The following EZH2 variants were observed in gnomAD, a reference collection of about 807,000 sequenced individuals.
The protein encoded by EZH2 is enhancer of zeste 2 polycomb repressive complex 2 subunit, also known as histone-lysine N-methyltransferase EZH2.
Under a neutral mutation model 98.4 loss-of-function variants are expected in EZH2, and 18 were observed. The ratio of observed to expected loss-of-function variants is 0.18; its 90% CI spans 0.13 to 0.27. The LOEUF is 0.27. EZH2 is among the 10% of genes least tolerant of loss of function. EZH2 has a pLI of 1.00. For missense variants in EZH2, 470 were observed against 935.1 expected (o/e 0.50, Z 6.49); for synonymous variants, 338 against 312.3 (o/e 1.08, Z -0.87).
chr7:148,810,299 C>T, intron 17 of EZH2, 34 bp downstream of exon 17: 1 of 1,533,198 alleles, frequency 6.5e-7, no homozygotes, highest in Non-Finnish European at 9.0e-7. Flanking sequence ...ACATGCAACT[C>T]AGGAACTCAC....
intron 13 of EZH2, 31 bp downstream of exon 13, chr7:148,815,475 C>G: frequency 6.2e-7 from 1 of 1,601,072 alleles, no homozygotes; most frequent in Non-Finnish European, 8.6e-7. Flanking sequence ...TATTGTTAAG[C>G]TAATAATGAG....
rs768472773 is a variant in EZH2 at position 148,832,612 on chromosome 7, A to G, written c.363+22T>C. ...TCAAATAAGTTATTATCAAATAAGCAGAAGATATCTTATTTACATACCATA... is the reference window on the plus strand; with the variant it reads ...TCAAATAAGTTATTATCAAATAAGCGGAAGATATCTTATTTACATACCATA... On this transcript the variant is annotated intron_variant, in intron 4 of 19. Coordinates refer to ENST00000320356, the MANE Select transcript of EZH2 (RefSeq NM_004456.5). 11 of 1,198,186 alleles carry G rather than the reference A, an allele frequency of 9.2e-6. No homozygotes were observed. In the East Asian group the frequency reaches 2.3e-4, roughly 26 times the overall value. 74.2% of individuals were successfully genotyped at this position (1,198,186 alleles called of 1,614,324 possible). A position where few individuals can be genotyped will look rare whatever the true frequency, so the allele number is the denominator to read the frequency against.
In EZH2 at chr7:148,817,955, C is replaced by G; in HGVS notation, c.1162G>C (p.Glu388Gln). The change falls in exon 10 of 20, where the codon GAA (glutamate) becomes CAA (glutamine). Residue 388 changes from glutamate to glutamine, a missense_variant. Physicochemically the swap from Glu to Gln is conservative, Grantham distance 29. Around this residue, in one of 6 missense-constraint regions of EZH2, gnomAD observed 192 missense variants for 306.8 expected, o/e 0.63. Coordinates refer to ENST00000320356, the MANE Select transcript of EZH2 (RefSeq NM_004456.5). ...TCTCCCCCCGTTTCAGTCCCTGCTT[C>G]CCTATCACTGTCTGTATCCTTTGAT... The part of the protein sequence containing the change: ...LESKDTDSDR[E>Q]AGTETGGENN... 6.2e-7 allele frequency: 1 copy of G among 1,614,166 alleles called. No individual in the cohort carries two copies. Among genetic ancestry groups the G allele is most frequent in the Non-Finnish European group, 8.5e-7 (1 of 1,180,008 alleles).
At chr7:148,819,777 G>A (rs984038070) in intron 8 of EZH2, 90 bp from the exon 9 acceptor site, 2 of 1,129,664 alleles carry the variant, frequency 1.8e-6, no homozygotes, top group Admixed American at 2.0e-5. Context: ...TCAATTAATG[G>A]ATTATAATCT....
intron 1 of EZH2, chr7:148,883,438 G>C (rs1019806803): frequency 3.9e-5 from 6 of 152,386 alleles, no homozygotes; most frequent in African/African-American, 1.4e-4. Flanking sequence ...GGAGCTCAGG[G>C]GGATTTCGGG....
intron 3 of EZH2, among the ~76,000 whole-genome samples, chr7:148,835,633 A>C (rs1810707099): frequency 6.6e-6 from 1 of 151,878 alleles, no homozygotes; most frequent in Non-Finnish European, 1.5e-5. Flanking sequence ...AGTACAAAAC[A>C]ATTTTCATTT....
intron 1 of EZH2, among the ~76,000 whole-genome samples, chr7:148,853,418 A>G (rs75832514): frequency 6.8e-6 from 1 of 147,396 alleles, no homozygotes. Context: ...CTCCGTCTCC[A>G]AAAAAAAAAG....
At chr7:148,879,912 G>A (rs770867063) in intron 1 of EZH2, among the ~76,000 whole-genome samples, 15 of 151,938 alleles carry the variant, frequency 9.9e-5, no homozygotes, top group Non-Finnish European at 1.8e-4. Flanking sequence ...TGAGATCAAC[G>A]TGGGCAACAA....
intron 3 of EZH2, among the ~76,000 whole-genome samples, chr7:148,842,014 G>A (rs1812579232): frequency 6.6e-6 from 1 of 152,066 alleles, no homozygotes; most frequent in Non-Finnish European, 1.5e-5. Flanking sequence ...TTCTTCATAC[G>A]AGGACCGTGA....
At chr7:148,866,586 A>G (rs1365934592) in intron 1 of EZH2, among the ~76,000 whole-genome samples, 1 of 146,640 alleles carries the variant, frequency 6.8e-6, no homozygotes, top group Non-Finnish European at 1.5e-5. Flanking sequence ...ATATACATAT[A>G]TTGTATACAC....
At position 148,858,564 on chromosome 7, in the gene EZH2, G is replaced by A. The variant is rs181538816; in HGVS notation, c.-7-11259C>T. Among the ~76,000 whole-genome samples the A allele has an allele frequency of 3.7e-4, 56 of 152,168 alleles. No homozygotes were observed. In the East Asian group the frequency reaches 8.9e-3, roughly 24 times the overall value. On this transcript the variant is annotated intron_variant, in intron 1 of 19. Coordinates refer to ENST00000320356, the MANE Select transcript of EZH2 (RefSeq NM_004456.5). ...GGAAGGGACAAGGTCTCACTCTGTC[G>A]TCCAGGCTGGAGTGCAGTGATGCAA... is the stretch of plus-strand genomic sequence containing the variant.
intron 8 of EZH2, among the ~76,000 whole-genome samples, chr7:148,822,628 C>G (rs932083119): frequency 2.0e-5 from 3 of 151,640 alleles, no homozygotes; most frequent in Non-Finnish European, 4.4e-5. Context: ...CCTAAGACAT[C>G]AAAAAGATCT....
intron 1 of EZH2, among the ~76,000 whole-genome samples, chr7:148,853,218 T>G (rs577285938): frequency 2.0e-5 from 3 of 151,988 alleles, no homozygotes; most frequent in Non-Finnish European, 4.4e-5. Flanking sequence ...TCGAGACCAG[T>G]CTGGCCAACA....
At chr7:148,829,181 T>C (rs1274709716) in intron 5 of EZH2, among the ~76,000 whole-genome samples, 1 of 152,170 alleles carries the variant, frequency 6.6e-6, no homozygotes, top group East Asian at 1.9e-4. Flanking sequence ...AATGGATCTG[T>C]CCTTTAACTG....
At chr7:148,837,467 G>A (rs533801823) in intron 3 of EZH2, among the ~76,000 whole-genome samples, 6 of 152,172 alleles carry the variant, frequency 3.9e-5, no homozygotes, top group African/African-American at 7.2e-5. Context: ...ATATTCTGCA[G>A]GACTTGAGGA....
intron 1 of EZH2, among the ~76,000 whole-genome samples, chr7:148,867,219 G>A (rs1335908739): frequency 3.3e-5 from 5 of 151,890 alleles, no homozygotes; most frequent in South Asian, 2.1e-4. Flanking sequence ...CCAGCTACTC[G>A]GGAGGCTGAG....
chr7:148,877,701 ATAC>A (rs1469674086), intron 1 of EZH2, among the ~76,000 whole-genome samples: 1 of 152,184 alleles, frequency 6.6e-6, no homozygotes, highest in African/African-American at 2.4e-5. Context: ...TCTCAAATGC[ATAC>A]TATTACCACT....
At chr7:148,875,201 A>G (rs1019625275) in intron 1 of EZH2, among the ~76,000 whole-genome samples, 2 of 152,260 alleles carry the variant, frequency 1.3e-5, no homozygotes, top group East Asian at 1.9e-4. Context: ...CTGCAAATGC[A>G]TAACATTTTG....
intron 10 of EZH2, chr7:148,817,593 T>C: frequency 1.5e-6 from 1 of 663,726 alleles, no homozygotes; most frequent in Non-Finnish European, 2.5e-6. Context: ...GATCCAAATT[T>C]CATTATTCCC....
Sources: gnomAD v4.1 joint callset for allele counts (sites outside exome capture counted in the v4.1 genomes callset) on GRCh38, gnomAD v4.1.1 for gene constraint, gnomAD v4.1.1 regional missense constraint, MANE v1.5 for transcripts, NCBI Gene and HGNC (gene_info 2026-07-23, HGNC 2026-07-21) for gene names.